The following XPO7 variants were observed in gnomAD, a reference collection of about 807,000 sequenced individuals.
XPO7 encodes the protein exportin-7.
Under a neutral mutation model 144.3 loss-of-function variants are expected in XPO7, and 21 were observed. That is an observed-to-expected ratio of 0.15 (90% CI 0.10 to 0.21). The LOEUF (loss-of-function observed/expected upper bound fraction) is 0.21, where lower values mean the gene tolerates loss of function less well. XPO7 is among the 10% of genes least tolerant of loss of function. The pLI, the probability that XPO7 is intolerant of heterozygous loss-of-function variation, is 1.00. For missense variants in XPO7, 808 were observed against 1,325.8 expected (o/e 0.61, Z 6.06); for synonymous variants, 580 against 499.6 (o/e 1.16, Z -2.15).
intron 1 of XPO7, among the ~76,000 whole-genome samples, chr8:21,952,582 T>C (rs181338282): frequency 6.6e-6 from 1 of 152,222 alleles, no homozygotes; most frequent in East Asian, 1.9e-4. Flanking sequence ...GAAATGACTT[T>C]ATAAATTTAA....
intron 9 of XPO7, 24 bp downstream of exon 9, chr8:21,980,227 T>C (rs766958584): frequency 1.3e-6 from 2 of 1,560,696 alleles, no homozygotes; most frequent in South Asian, 2.4e-5. Flanking sequence ...AGAATTTACA[T>C]ATGTATAGGA....
At position 21,966,859 on chromosome 8, in the gene XPO7, C is replaced by T. The variant is rs1434233830; in HGVS notation, c.21C>T (p.Ser7=). 3 of 1,611,046 alleles carry T rather than the reference C, an allele frequency of 1.9e-6. No homozygotes were observed. The highest frequency in any genetic ancestry group is 2.7e-5 in the African/African-American group (2 of 74,850). MADHVQ[S]LAQLENLCKQ... is the part of the protein sequence containing the mutation. ...CTTTCCTGACTGATCTTTTCCAGAG[C>T]CTGGCCCAACTAGAGAATCTGTGCA... The change falls in exon 2 of 28, where the codon AGC becomes AGT. Residue 7 remains serine, a splice_region_variant and synonymous_variant. Transcript: ENST00000252512.
intron 1 of XPO7, among the ~76,000 whole-genome samples, chr8:21,946,323 G>A (rs1042293967): frequency 5.3e-5 from 8 of 152,052 alleles, no homozygotes; most frequent in Middle Eastern, 3.4e-3. Context: ...AAAAGTGACC[G>A]TCAAAAACAA....
intron 9 of XPO7, 150 bp downstream of exon 9, chr8:21,980,353 G>C (rs907926905): frequency 2.3e-5 from 24 of 1,051,068 alleles, no homozygotes; most frequent in African/African-American, 4.9e-5. Context: ...GGCCAATTCT[G>C]AGATTATTTG....
intron 1 of XPO7, among the ~76,000 whole-genome samples, chr8:21,949,824 G>A (rs1811312358): frequency 6.6e-6 from 1 of 152,194 alleles, no homozygotes; most frequent in African/African-American, 2.4e-5. Context: ...CCACCTTCCA[G>A]CTTCAAGCGA....
chr8:21,934,594 A>G (rs987769587), intron 1 of XPO7, among the ~76,000 whole-genome samples: 6 of 152,202 alleles, frequency 3.9e-5, no homozygotes, highest in African/African-American at 1.4e-4. Context: ...GGGTGACAGT[A>G]TTCACTGAAA....
intron 1 of XPO7, among the ~76,000 whole-genome samples, chr8:21,935,839 TC>T (rs1810803383): frequency 6.6e-6 from 1 of 151,906 alleles, no homozygotes; most frequent in South Asian, 2.1e-4. Context: ...GATATCTTTC[TC>T]TCTCTCTCAA....
Position 21,919,803 on chromosome 8 carries a change from G to T in XPO7, c.18+15G>T, listed in dbSNP as rs1010579701. 1.0e-5 allele frequency: 5 copies of T among 477,004 alleles called. No homozygotes were observed. In the East Asian group the frequency reaches 2.1e-4, roughly 20 times the overall value. The allele number at this position is 477,004 out of a possible 1,614,324, so 29.5% of individuals were successfully genotyped here. A position where few individuals can be genotyped will look rare whatever the true frequency, so the allele number is the denominator to read the frequency against. On this transcript the variant is annotated intron_variant, in intron 1 of 27. Transcript: ENST00000252512. The stretch of plus-strand genomic sequence containing the variant: ...ATCATGTGCAGGTGAGAGGAGCCGC[G>T]GGGGGGAGGGGGCGACCACGAAGAG...
chr8:21,999,421 C>G, intron 23 of XPO7, 115 bp from the exon 24 acceptor site: 1 of 1,563,688 alleles, frequency 6.4e-7, no homozygotes, highest in Non-Finnish European at 8.7e-7. Flanking sequence ...TCCTTTTGCT[C>G]TAACTAAGTC....
chr8:21,994,300 T>C (rs902162255), intron 19 of XPO7, 63 bp from the exon 20 acceptor site: 2 of 1,254,052 alleles, frequency 1.6e-6, no homozygotes, highest in Non-Finnish European at 2.3e-6. Context: ...TGTGGAATCC[T>C]CATCAGATTG....
intron 13 of XPO7, among the ~76,000 whole-genome samples, 170 bp from the exon 14 acceptor site, chr8:21,986,971 T>C (rs559763603): frequency 3.9e-5 from 6 of 152,344 alleles, no homozygotes; most frequent in Admixed American, 3.3e-4. Flanking sequence ...TCCAAAAAGA[T>C]TGAAAACTCC....
In XPO7 at chr8:21,990,852, C is replaced by G. The variant is rs1812750085; in HGVS notation, c.1974C>G (p.Asn658Lys). 1 of 1,613,800 alleles carries G rather than the reference C, an allele frequency of 6.2e-7. No individual in the cohort carries two copies. The highest frequency in any genetic ancestry group is 1.3e-5 in the African/African-American group (1 of 74,900). The change falls in exon 18 of 28, where the codon AAC becomes AAG. Residue 658 changes from asparagine (N) to lysine (K), a missense_variant. Around this residue, in one of 5 missense-constraint regions of XPO7, gnomAD observed 416 missense variants for 612.5 expected, o/e 0.68. Transcript: ENST00000252512. ...TTTTGGGTATTAACAATCAGTCCAACCTGACAGACATGCGGTGTCGGACTA... is the reference window on the plus strand; with the variant it reads ...TTTTGGGTATTAACAATCAGTCCAAGCTGACAGACATGCGGTGTCGGACTA... ...FSFLGINNQS[N>K]LTDMRCRTTF...
At chr8:21,920,368 C>T (rs928425061) in intron 1 of XPO7, among the ~76,000 whole-genome samples, 3 of 152,094 alleles carry the variant, frequency 2.0e-5, no homozygotes, top group Admixed American at 2.0e-4. Flanking sequence ...TCGTACAGCC[C>T]GGAGGGCCGA....
At chr8:21,978,901 A>T (rs147029314) in intron 8 of XPO7, among the ~76,000 whole-genome samples, 28 of 152,336 alleles carry the variant, frequency 1.8e-4, no homozygotes, top group African/African-American at 6.7e-4. Flanking sequence ...TAGAAGCCAG[A>T]GGGCAAGGGA....
In XPO7 at chr8:22,003,895, C is replaced by T; in HGVS notation, c.3043-8C>T. ...CTCTAACCTTCTGTTCCACTCCTTG[C>T]CCCACAGTATTTTTCTGACCTAAGA... On this transcript the variant is annotated splice_region_variant and splice_polypyrimidine_tract_variant and intron_variant, in intron 26 of 27. Transcript: ENST00000252512. 6.2e-7 allele frequency: 1 copy of T among 1,613,776 alleles called. No individual in the cohort carries two copies. The highest frequency in any genetic ancestry group is 1.1e-5 in the South Asian group (1 of 91,060).
At chr8:21,931,816 T>A (rs1313960367) in intron 1 of XPO7, among the ~76,000 whole-genome samples, 1 of 152,228 alleles carries the variant, frequency 6.6e-6, no homozygotes, top group Non-Finnish European at 1.5e-5. Context: ...AACTGTTGTT[T>A]CAAGGGTATC....
chr8:21,943,472 C>T (rs1336721818), intron 1 of XPO7, among the ~76,000 whole-genome samples: 3 of 152,134 alleles, frequency 2.0e-5, no homozygotes, highest in Non-Finnish European at 2.9e-5. Flanking sequence ...TATAACTGAA[C>T]ACATTTTTCT....
intron 1 of XPO7, among the ~76,000 whole-genome samples, chr8:21,965,877 A>G (rs898080904): frequency 6.6e-6 from 1 of 152,186 alleles, no homozygotes; most frequent in Admixed American, 6.5e-5. Context: ...TGTCCTTTCT[A>G]ATAGTAGGAT....
chr8:21,954,055 G>A (rs142879363), intron 1 of XPO7, among the ~76,000 whole-genome samples: 4 of 152,322 alleles, frequency 2.6e-5, no homozygotes, highest in African/African-American at 4.8e-5. Context: ...GACTGGGGAA[G>A]ATAATTCTCT....
Sources: allele counts gnomAD v4.1 joint callset (sites outside exome capture counted in the v4.1 genomes callset), GRCh38; gene constraint gnomAD v4.1.1; regional missense constraint gnomAD v4.1.1; transcripts MANE v1.5; gene names NCBI Gene and HGNC (gene_info 2026-07-23, HGNC 2026-07-21).